Variants in RGPD2 observed in about 807,000 individuals in gnomAD.
RGPD2 encodes the protein RANBP2-like and GRIP domain-containing protein 2.
Under a neutral mutation model 36.0 loss-of-function variants are expected in RGPD2, and 2 were observed. That is an observed-to-expected ratio of 0.06 (90% CI 0.02 to 0.17). The LOEUF (loss-of-function observed/expected upper bound fraction) is 0.17, where lower values mean the gene tolerates loss of function less well. Ranked by LOEUF, RGPD2 falls within the 10% of genes least tolerant of loss-of-function variation. RGPD2 has a pLI of 1.00. For missense variants in RGPD2, 40 were observed against 464.3 expected (o/e 0.09, Z 8.40); for synonymous variants, 19 against 163.8 (o/e 0.12, Z 6.75).
chr2:87,870,323 C>A, the RGPD2 span, among the ~76,000 whole-genome samples: 1 of 152,272 alleles, frequency 6.6e-6, no homozygotes, highest in Non-Finnish European at 1.5e-5. Flanking sequence ...GTCTATAGCT[C>A]CATTCACAGC....
the RGPD2 span, among the ~76,000 whole-genome samples, chr2:87,836,453 T>C: frequency 2.6e-5 from 4 of 151,962 alleles, no homozygotes; most frequent in African/African-American, 9.6e-5. Flanking sequence ...ATATTCAGCA[T>C]TGTTAAAGAA....
At chr2:87,864,797 G>A in the RGPD2 span, among the ~76,000 whole-genome samples, 96 of 151,878 alleles carry the variant, frequency 6.3e-4, no homozygotes, top group Admixed American at 1.4e-3. Flanking sequence ...TTCCAGTTAG[G>A]TTATTATTAA....
the RGPD2 span, among the ~76,000 whole-genome samples, chr2:87,963,741 A>T: frequency 8.3e-6 from 1 of 120,194 alleles, no homozygotes; most frequent in Non-Finnish European, 1.6e-5. Flanking sequence ...TTGCCCAAAC[A>T]CACTCACCTA....
the RGPD2 span, among the ~76,000 whole-genome samples, chr2:87,877,122 G>A: frequency 6.6e-6 from 1 of 152,128 alleles, no homozygotes; most frequent in South Asian, 2.1e-4. Context: ...GGTCTCTTGA[G>A]GACAGCATAC....
chr2:87,972,810 A>G, the RGPD2 span: 8 of 1,611,658 alleles, frequency 5.0e-6, no homozygotes, highest in Admixed American at 6.7e-5. Context: ...TGCTGCACCT[A>G]CTACTATGAG....
the RGPD2 span, among the ~76,000 whole-genome samples, chr2:87,854,002 A>G: frequency 6.6e-6 from 1 of 152,292 alleles, no homozygotes; most frequent in Admixed American, 6.5e-5. Context: ...TTGGTGAATA[A>G]CCAACTCACT....
At chr2:87,883,533 G>A in the RGPD2 span, among the ~76,000 whole-genome samples, 2 of 151,662 alleles carry the variant, frequency 1.3e-5, no homozygotes, top group East Asian at 1.9e-4. Flanking sequence ...CTGAAGGAAT[G>A]AAAAAAACAA....
chr2:87,883,533 G>GA, the RGPD2 span, among the ~76,000 whole-genome samples: 3 of 151,662 alleles, frequency 2.0e-5, no homozygotes, highest in African/African-American at 7.3e-5. Flanking sequence ...CTGAAGGAAT[G>GA]AAAAAAACAA....
chr2:87,857,774 T>TA, the RGPD2 span, among the ~76,000 whole-genome samples: 4,498 of 123,518 alleles, frequency 0.036, 189 homozygotes, highest in African/African-American at 0.13. Context: ...CCATCTCTAC[T>TA]AAAAAAAAAA....
the RGPD2 span, among the ~76,000 whole-genome samples, chr2:87,984,644 T>G: frequency 6.8e-6 from 1 of 146,976 alleles, no homozygotes; most frequent in South Asian, 2.3e-4. Context: ...AAAAATGGAT[T>G]TGCTGGCCAG....
the RGPD2 span, among the ~76,000 whole-genome samples, chr2:87,870,231 C>A: frequency 2.0e-5 from 3 of 152,256 alleles, no homozygotes; most frequent in Admixed American, 6.5e-5. Flanking sequence ...CAGGGCTAGC[C>A]AATTCTTTGA....
At chr2:87,971,669 C>A in the RGPD2 span, among the ~76,000 whole-genome samples, 1 of 150,620 alleles carries the variant, frequency 6.6e-6, no homozygotes, top group South Asian at 2.1e-4. Context: ...TGTTTACTCT[C>A]TTTAGAAACT....
At chr2:87,964,892 T>C in the RGPD2 span, among the ~76,000 whole-genome samples, 95,162 of 132,156 alleles carry the variant, frequency 0.72, 31,059 homozygotes, top group East Asian at 0.85. Context: ...TGAGTCTAGG[T>C]GTTGCCCATG....
chr2:87,972,692 G>T, the RGPD2 span: 6 of 1,578,218 alleles, frequency 3.8e-6, no homozygotes, highest in South Asian at 4.5e-5. Context: ...CAGCGAGGAG[G>T]CCTGGGGGGC....
chr2:87,951,807 A>C, the RGPD2 span, among the ~76,000 whole-genome samples: 2 of 133,362 alleles, frequency 1.5e-5, no homozygotes, highest in Admixed American at 7.8e-5. Flanking sequence ...CTGGTCTCAA[A>C]CTCCTGACTT....
the RGPD2 span, among the ~76,000 whole-genome samples, chr2:87,957,364 G>A: frequency 3.9e-5 from 1 of 25,654 alleles, no homozygotes; most frequent in Non-Finnish European, 1.2e-4. Flanking sequence ...AAGCCAGAAA[G>A]AGAACCTTTC....
chr2:87,769,274 C>T (rs1028359559), intron 22 of RGPD2, among the ~76,000 whole-genome samples: 2 of 151,308 alleles, frequency 1.3e-5, no homozygotes, highest in Non-Finnish European at 3.0e-5. Context: ...GCCTTACATT[C>T]TCTCTCTTAA....
chr2:87,829,560 TCA>T (rs1686919316), upstream of RGPD2, among the ~76,000 whole-genome samples: 1 of 151,548 alleles, frequency 6.6e-6, no homozygotes, highest in Admixed American at 6.6e-5. Context: ...GGCCTCAAAA[TCA>T]CAGTGGAAGG....
chr2:87,967,237 C>T, the RGPD2 span, among the ~76,000 whole-genome samples: 1 of 141,616 alleles, frequency 7.1e-6, no homozygotes, highest in Non-Finnish European at 1.5e-5. Context: ...GAAACCCCGT[C>T]TCTACTAAAA....
Sources: gnomAD v4.1 joint callset for allele counts (sites outside exome capture counted in the v4.1 genomes callset) on GRCh38, gnomAD v4.1.1 for gene constraint, MANE v1.5 for transcripts, NCBI Gene and HGNC (gene_info 2026-07-23, HGNC 2026-07-21) for gene names.